TAFA1: variants seen among roughly 807,000 people sequenced by gnomAD.
The protein encoded by TAFA1 is chemokine-like protein TAFA-1.
In TAFA1, 4 loss-of-function variants were observed where a neutral mutation model predicts 18.5. That is an observed-to-expected ratio of 0.22 (90% confidence interval 0.11 to 0.49). TAFA1 has a LOEUF of 0.49. TAFA1 is among the 20% of genes least tolerant of loss of function. TAFA1 has a pLI of 0.98. For synonymous variants in TAFA1, 56 were observed against 55.2 expected (o/e 1.01, Z -0.06); for missense variants, 147 against 169.0 (o/e 0.87, Z 0.72).
At chr3:68,284,131 C>G (rs745971648) in intron 2 of TAFA1, among the ~76,000 whole-genome samples, 1 of 152,156 alleles carries the variant, frequency 6.6e-6, no homozygotes, top group African/African-American at 2.4e-5. Flanking sequence ...TGGAATCTTT[C>G]TCTTTCTGTG....
chr3:68,277,728 A>G (rs1459294836), intron 2 of TAFA1, among the ~76,000 whole-genome samples: 2 of 152,144 alleles, frequency 1.3e-5, no homozygotes, highest in Non-Finnish European at 2.9e-5. Flanking sequence ...ATAACAACTA[A>G]AGGTTTAGTA....
intron 2 of TAFA1, among the ~76,000 whole-genome samples, chr3:68,026,008 C>T (rs1704806736): frequency 2.0e-5 from 3 of 152,058 alleles, no homozygotes; most frequent in Admixed American, 1.3e-4. Context: ...AAAAAGAAGG[C>T]TCTTAATAAA....
At chr3:68,380,030 C>G (rs561629849) in intron 2 of TAFA1, among the ~76,000 whole-genome samples, 164 of 151,738 alleles carry the variant, frequency 1.1e-3, no homozygotes, top group African/African-American at 3.6e-3. Context: ...GGTTTTTCGT[C>G]CTTGGCAATA....
At chr3:68,093,809 T>A (rs11921078) in intron 2 of TAFA1, among the ~76,000 whole-genome samples, 2,723 of 152,224 alleles carry the variant, frequency 0.018, 91 homozygotes, top group African/African-American at 0.062. Context: ...AAGTTTCTTA[T>A]CACCTGGAAG....
intron 2 of TAFA1, among the ~76,000 whole-genome samples, chr3:68,371,505 C>T (rs1365412413): frequency 2.0e-5 from 3 of 152,040 alleles, no homozygotes; most frequent in Non-Finnish European, 4.4e-5. Context: ...TGTTAGTTTG[C>T]TGAGAATGAT....
At chr3:68,189,054 A>T (rs1361332200) in intron 2 of TAFA1, among the ~76,000 whole-genome samples, 1 of 151,904 alleles carries the variant, frequency 6.6e-6, no homozygotes, top group Non-Finnish European at 1.5e-5. Flanking sequence ...TTTGCACCAA[A>T]TAAAATCCTT....
intron 2 of TAFA1, among the ~76,000 whole-genome samples, chr3:68,153,135 A>AT (rs2065827313): frequency 6.6e-6 from 1 of 152,140 alleles, no homozygotes; most frequent in Admixed American, 6.6e-5. Flanking sequence ...TCAAGCTATC[A>AT]TTTTCCCCTA....
intron 3 of TAFA1, among the ~76,000 whole-genome samples, chr3:68,442,352 G>A (rs1023901025): frequency 6.6e-6 from 1 of 152,060 alleles, no homozygotes; most frequent in Non-Finnish European, 1.5e-5. Flanking sequence ...GCTTGCTCAG[G>A]TCTCTCTTCC....
At chr3:68,179,423 C>A (rs531383302) in intron 2 of TAFA1, among the ~76,000 whole-genome samples, 1 of 152,176 alleles carries the variant, frequency 6.6e-6, no homozygotes, top group Non-Finnish European at 1.5e-5. Flanking sequence ...AAATTTGGAT[C>A]ATGTTGTTCC....
chr3:68,117,553 C>T (rs188887488), intron 2 of TAFA1, among the ~76,000 whole-genome samples: 51 of 152,240 alleles, frequency 3.3e-4, no homozygotes, highest in African/African-American at 1.2e-3. Context: ...TTTTTAAACC[C>T]GTTAACTCTC....
intron 2 of TAFA1, among the ~76,000 whole-genome samples, chr3:68,040,150 T>C (rs1019199069): frequency 1.7e-4 from 26 of 152,234 alleles, no homozygotes; most frequent in Admixed American, 1.1e-3. Context: ...TAAATATTTT[T>C]GGGATGATAT....
intron 2 of TAFA1, among the ~76,000 whole-genome samples, chr3:68,388,571 C>T (rs2070157069): frequency 6.6e-6 from 1 of 151,778 alleles, no homozygotes. Context: ...TTTTTTTTAT[C>T]TAACCACCAG....
At chr3:68,143,681 A>G (rs1270738084) in intron 2 of TAFA1, among the ~76,000 whole-genome samples, 1 of 152,134 alleles carries the variant, frequency 6.6e-6, no homozygotes, top group African/African-American at 2.4e-5. Context: ...GAGAGTGGGA[A>G]AAATCACCCC....
chr3:68,120,067 C>A (rs763728714), intron 2 of TAFA1, among the ~76,000 whole-genome samples: 47 of 152,110 alleles, frequency 3.1e-4, no homozygotes, highest in Admixed American at 7.9e-4. Flanking sequence ...TGTGGGAGAG[C>A]AGTAAAAAAT....
chr3:68,443,462 T>C (rs1006464136), intron 3 of TAFA1, among the ~76,000 whole-genome samples: 13 of 111,688 alleles, frequency 1.2e-4, no homozygotes, highest in African/African-American at 4.3e-4. Flanking sequence ...CACCAGAGAC[T>C]GGGCAATTTA....
intron 2 of TAFA1, among the ~76,000 whole-genome samples, chr3:68,397,607 A>G (rs2070408749): frequency 6.6e-6 from 1 of 152,232 alleles, no homozygotes; most frequent in Non-Finnish European, 1.5e-5. Context: ...TATTGTGAAC[A>G]GTGACACAAT....
chr3:68,397,945 C>A (rs956303352), intron 2 of TAFA1, among the ~76,000 whole-genome samples: 1 of 152,046 alleles, frequency 6.6e-6, no homozygotes, highest in Admixed American at 6.6e-5. Context: ...AATATTTTCC[C>A]ATGCCTATGT....
chr3:68,394,990 C>A (rs1225744342), intron 2 of TAFA1, among the ~76,000 whole-genome samples: 1 of 152,086 alleles, frequency 6.6e-6, no homozygotes, highest in Non-Finnish European at 1.5e-5. Flanking sequence ...TCAGAAGAAA[C>A]TATCATCTGA....
chr3:68,032,156 A>C (rs1326037131), intron 2 of TAFA1, among the ~76,000 whole-genome samples: 2 of 152,120 alleles, frequency 1.3e-5, no homozygotes, highest in Non-Finnish European at 2.9e-5. Context: ...GTAACAGCTT[A>C]TCTGGTCTAT....
Sources: allele counts gnomAD v4.1 joint callset (sites outside exome capture counted in the v4.1 genomes callset), GRCh38; gene constraint gnomAD v4.1.1; transcripts MANE v1.5; gene names NCBI Gene and HGNC (gene_info 2026-07-23, HGNC 2026-07-21).